Variants in SOX6 observed in about 807,000 individuals in gnomAD.
The protein encoded by SOX6 is SRY-box transcription factor 6.
SOX6 carries 11 observed loss-of-function variants against 97.8 expected under a neutral mutation model. The ratio of observed to expected loss-of-function variants is 0.11; its 90% CI spans 0.07 to 0.19. The LOEUF (loss-of-function observed/expected upper bound fraction) is 0.19, where lower values mean the gene tolerates loss of function less well. Ranked by LOEUF, SOX6 falls within the 10% of genes least tolerant of loss-of-function variation. The pLI, the probability that SOX6 is intolerant of heterozygous loss-of-function variation, is 1.00. For missense variants in SOX6, 810 were observed against 1,039.5 expected (o/e 0.78, Z 3.04); for synonymous variants, 360 against 371.4 (o/e 0.97, Z 0.35).
chr11:16,239,559 G>T (rs1198047940), intron 3 of SOX6, among the ~76,000 whole-genome samples: 1 of 151,938 alleles, frequency 6.6e-6, no homozygotes, highest in Non-Finnish European at 1.5e-5. Flanking sequence ...GATCTTTTTT[G>T]ATCCAAAAGT....
intron 2 of SOX6, among the ~76,000 whole-genome samples, chr11:16,728,954 A>T (rs894032775): frequency 6.6e-6 from 1 of 152,190 alleles, no homozygotes; most frequent in Non-Finnish European, 1.5e-5. Context: ...CAATGCCCAA[A>T]CTGACGAAGC....
chr11:16,245,142 T>G (rs887207177), intron 3 of SOX6, among the ~76,000 whole-genome samples: 1 of 151,806 alleles, frequency 6.6e-6, no homozygotes, highest in Non-Finnish European at 1.5e-5. Flanking sequence ...GTTTTCATTA[T>G]CATTTAGTTT....
intron 3 of SOX6, among the ~76,000 whole-genome samples, chr11:16,616,169 T>C (rs1848468836): frequency 6.6e-6 from 1 of 152,138 alleles, no homozygotes; most frequent in South Asian, 2.1e-4. Flanking sequence ...TACCATATCA[T>C]TCATTATACA....
chr11:16,274,798 C>T (rs575542607), intron 3 of SOX6, among the ~76,000 whole-genome samples: 26 of 152,240 alleles, frequency 1.7e-4, no homozygotes, highest in African/African-American at 6.0e-4. Context: ...AAAGACAATA[C>T]GTGAAATCTC....
At chr11:16,390,622 T>C (rs999829892) in intron 1 of SOX6, among the ~76,000 whole-genome samples, 1 of 152,324 alleles carries the variant, frequency 6.6e-6, no homozygotes, top group East Asian at 1.9e-4. Flanking sequence ...TTCAATGAAA[T>C]GTTAGTAAGC....
chr11:16,680,253 A>C (rs551095747), intron 3 of SOX6, among the ~76,000 whole-genome samples: 6 of 152,188 alleles, frequency 3.9e-5, no homozygotes, highest in Admixed American at 6.5e-5. Flanking sequence ...AGACTAACAG[A>C]GATTTCTCTG....
At chr11:16,097,788 TG>T in intron 7 of SOX6, 100 bp from the exon 8 acceptor site, 1 of 1,088,056 alleles carries the variant, frequency 9.2e-7, no homozygotes, top group Non-Finnish European at 1.4e-6. Context: ...TTTACAACAT[TG>T]CTCTAAGCCC....
Position 16,132,441 on chromosome 11 carries a change from G to A in SOX6, c.778-20518C>T, listed in dbSNP as rs201723825. On this transcript the variant is annotated intron_variant, in intron 6 of 15. Coordinates refer to ENST00000683767, the MANE Select transcript of SOX6 (RefSeq NM_001367873.1). ...AGAAAGAAAGAAAGAAAGAAAGAAA[G>A]AAAAAAGAAAGAAAGAAAGAAAGAA... 8.9e-3 allele frequency among the ~76,000 whole-genome samples: 486 copies of A among 54,432 alleles called. 5 individuals are homozygous for A. The highest frequency in any genetic ancestry group is 9.9e-3 in the Non-Finnish European group (299 of 30,216). 35.7% of individuals were successfully genotyped at this position (54,432 alleles called of 152,430 possible).
intron 13 of SOX6, among the ~76,000 whole-genome samples, chr11:15,996,165 T>C (rs1419905581): frequency 3.3e-5 from 5 of 152,066 alleles, no homozygotes; most frequent in Admixed American, 2.6e-4. Flanking sequence ...ACTTATAACA[T>C]ATAAAAAGGT....
At chr11:16,327,270 G>A (rs1856128180) in intron 2 of SOX6, among the ~76,000 whole-genome samples, 2 of 152,070 alleles carry the variant, frequency 1.3e-5, no homozygotes, top group South Asian at 4.1e-4. Flanking sequence ...AAAGCACTTA[G>A]TATAATGCCT....
intron 4 of SOX6, among the ~76,000 whole-genome samples, chr11:16,604,793 C>G (rs550814695): frequency 1.3e-5 from 2 of 152,354 alleles, no homozygotes; most frequent in Non-Finnish European, 2.9e-5. Context: ...TCACACAAAA[C>G]AACATTTTCA....
At chr11:16,072,262 A>C (rs1848244050) in intron 9 of SOX6, among the ~76,000 whole-genome samples, 1 of 152,236 alleles carries the variant, frequency 6.6e-6, no homozygotes, top group Non-Finnish European at 1.5e-5. Context: ...AACTGAACTG[A>C]GAGAGCTAAA....
intron 4 of SOX6, among the ~76,000 whole-genome samples, chr11:16,216,978 C>T (rs1291133020): frequency 1.3e-5 from 2 of 152,162 alleles, no homozygotes; most frequent in African/African-American, 4.8e-5. Flanking sequence ...AGGCAAATGC[C>T]TACTGGCACA....
chr11:16,060,162 TA>T (rs923751559), intron 9 of SOX6, among the ~76,000 whole-genome samples: 11 of 150,358 alleles, frequency 7.3e-5, no homozygotes, highest in East Asian at 1.9e-4. Flanking sequence ...GAAATACATC[TA>T]TTTTTTTTTA....
intron 4 of SOX6, among the ~76,000 whole-genome samples, chr11:16,562,900 C>T (rs1177576102): frequency 6.6e-6 from 1 of 152,170 alleles, no homozygotes; most frequent in Non-Finnish European, 1.5e-5. Context: ...ACTTCCATAT[C>T]CATCTAGCAG....
intron 3 of SOX6, among the ~76,000 whole-genome samples, chr11:16,641,816 G>A (rs1377394348): frequency 1.3e-5 from 2 of 152,074 alleles, no homozygotes. Flanking sequence ...ACATGAGATG[G>A]GTTTCCTGAA....
chr11:16,387,984 T>C (rs910889698), intron 1 of SOX6, among the ~76,000 whole-genome samples: 2 of 152,126 alleles, frequency 1.3e-5, no homozygotes, highest in Admixed American at 6.5e-5. Flanking sequence ...CAATGTCAAG[T>C]AGGATGAATG....
upstream of SOX6, among the ~76,000 whole-genome samples, chr11:16,478,344 C>T (rs992293898): frequency 1.3e-5 from 2 of 152,178 alleles, no homozygotes; most frequent in African/African-American, 4.8e-5. Context: ...GAAAATGTGA[C>T]CAGAAAATAT....
chr11:16,240,707 C>G (rs1853169917), intron 3 of SOX6, among the ~76,000 whole-genome samples: 1 of 151,978 alleles, frequency 6.6e-6, no homozygotes, highest in African/African-American at 2.4e-5. Context: ...GGGAAACATA[C>G]AGCGGATGAT....
Sources: allele counts gnomAD v4.1 joint callset (sites outside exome capture counted in the v4.1 genomes callset), GRCh38; gene constraint gnomAD v4.1.1; transcripts MANE v1.5; gene names NCBI Gene and HGNC (gene_info 2026-07-23, HGNC 2026-07-21).